GRIK1: variants seen among roughly 807,000 people sequenced by gnomAD.
GRIK1 encodes glutamate ionotropic receptor kainate type subunit 1, also known as glutamate receptor ionotropic, kainate 1.
A neutral mutation model predicts 105.7 loss-of-function variants in GRIK1; 69 were observed. The ratio of observed to expected loss-of-function variants is 0.65; its 90% CI spans 0.54 to 0.80. The LOEUF (loss-of-function observed/expected upper bound fraction) is 0.80. Ranked by LOEUF, GRIK1 falls within the 30% of genes least tolerant of loss-of-function variation. The probability of loss-of-function intolerance (pLI) is 0.00; values close to 1 mark genes in which losing one functional copy is unlikely to be tolerated. For missense variants in GRIK1, 1,109 were observed against 1,167.3 expected (o/e 0.95, Z 0.73); for synonymous variants, 438 against 431.3 (o/e 1.02, Z -0.19).
chr21:29,684,870 C>T (rs1169024560), intron 3 of GRIK1, among the ~76,000 whole-genome samples: 1 of 152,188 alleles, frequency 6.6e-6, no homozygotes, highest in Admixed American at 6.5e-5. Context: ...TATTTTCTAT[C>T]ATGTATCTGT....
chr21:29,654,313 A>G (rs2062801635), intron 5 of GRIK1, among the ~76,000 whole-genome samples: 1 of 152,140 alleles, frequency 6.6e-6, no homozygotes. Flanking sequence ...GATTTTTCTT[A>G]ATGAGGCAAA....
intron 1 of GRIK1, among the ~76,000 whole-genome samples, chr21:29,711,540 T>C (rs1032923126): frequency 1.3e-5 from 2 of 152,068 alleles, no homozygotes; most frequent in African/African-American, 4.8e-5. Flanking sequence ...GGAATCTGTT[T>C]GTCTTTTTGA....
At chr21:29,929,813 T>A in intron 1 of GRIK1, among the ~76,000 whole-genome samples, 1 of 152,202 alleles carries the variant, frequency 6.6e-6, no homozygotes, top group East Asian at 1.9e-4. Flanking sequence ...ATCACACTTC[T>A]AGGTATATAT....
intron 1 of GRIK1, among the ~76,000 whole-genome samples, chr21:29,860,815 G>A (rs2068612447): frequency 6.6e-6 from 1 of 152,124 alleles, no homozygotes; most frequent in African/African-American, 2.4e-5. Flanking sequence ...AGCCTCATGT[G>A]GCTTTTGAAC....
At chr21:29,844,658 C>A (rs1281278485) in intron 1 of GRIK1, among the ~76,000 whole-genome samples, 1 of 152,208 alleles carries the variant, frequency 6.6e-6, no homozygotes, top group South Asian at 2.1e-4. Context: ...TATTCCTGGA[C>A]TCCTCACTCC....
intron 1 of GRIK1, among the ~76,000 whole-genome samples, chr21:29,737,972 C>T (rs926433451): frequency 6.6e-6 from 1 of 152,192 alleles, no homozygotes; most frequent in Non-Finnish European, 1.5e-5. Flanking sequence ...TATTCTGCTC[C>T]TTGAAAAACT....
intron 1 of GRIK1, among the ~76,000 whole-genome samples, chr21:29,829,955 A>G (rs1469260528): frequency 6.6e-6 from 1 of 152,182 alleles, no homozygotes; most frequent in Non-Finnish European, 1.5e-5. Context: ...AAGAAAAAAA[A>G]AATGTGTTGC....
chr21:29,687,906 T>G (rs1243629373), intron 3 of GRIK1, among the ~76,000 whole-genome samples: 1 of 152,238 alleles, frequency 6.6e-6, no homozygotes, highest in African/African-American at 2.4e-5. Flanking sequence ...TGGTCCAGCT[T>G]TGCTGTAGAA....
chr21:29,907,460 T>A (rs1308669816), intron 1 of GRIK1, among the ~76,000 whole-genome samples: 1 of 152,142 alleles, frequency 6.6e-6, no homozygotes, highest in African/African-American at 2.4e-5. Context: ...CCCCGAATCA[T>A]AGTCTGACAG....
chr21:29,581,647 C>CAA, intron 12 of GRIK1, 104 bp from the exon 13 acceptor site: 1 of 666,544 alleles, frequency 1.5e-6, no homozygotes, highest in Non-Finnish European at 2.7e-6. Context: ...CAATTAATCA[C>CAA]AAAAGCTTCA....
intron 7 of GRIK1, among the ~76,000 whole-genome samples, chr21:29,603,490 T>A (rs956119562): frequency 2.6e-5 from 4 of 152,154 alleles, no homozygotes; most frequent in African/African-American, 9.7e-5. Flanking sequence ...CCGGCTGAGA[T>A]CCAGGTAATC....
intron 3 of GRIK1, among the ~76,000 whole-genome samples, chr21:29,680,302 T>C (rs1398879109): frequency 6.6e-6 from 1 of 152,206 alleles, no homozygotes. Flanking sequence ...GACATGATCA[T>C]ATATAATAAA....
rs147031482 is a variant in GRIK1 at position 29,770,189 on chromosome 21, T to A, written c.119-76126A>T. Among the ~76,000 whole-genome samples, 285 of 152,302 alleles carry A rather than the reference T, an allele frequency of 1.9e-3. 1 individual carries two copies. The highest frequency in any genetic ancestry group is 6.4e-3 in the African/African-American group (264 of 41,560). ...TGGCTAGACAACTCGCGTTTTAAAT[T>A]TATGGTCCAAGTATATATGAATACT... On this transcript the variant is annotated intron_variant, in intron 1 of 17. Transcript: ENST00000327783.
intron 1 of GRIK1, among the ~76,000 whole-genome samples, chr21:29,754,537 C>T (rs867304057): frequency 6.6e-6 from 1 of 152,072 alleles, no homozygotes; most frequent in Non-Finnish European, 1.5e-5. Flanking sequence ...TAATCCTCGC[C>T]CTGGGATTTC....
At chr21:29,641,729 G>A (rs1036380258) in intron 7 of GRIK1, among the ~76,000 whole-genome samples, 2 of 152,158 alleles carry the variant, frequency 1.3e-5, no homozygotes, top group Non-Finnish European at 2.9e-5. Flanking sequence ...TCCTGGGCTT[G>A]CAAGCAACCT....
intron 1 of GRIK1, among the ~76,000 whole-genome samples, chr21:29,771,430 G>A (rs2065809224): frequency 6.6e-6 from 1 of 152,194 alleles, no homozygotes; most frequent in Admixed American, 6.5e-5. Flanking sequence ...ATTTTCATTT[G>A]ATGATAATTG....
chr21:29,695,480 A>ATC lies in GRIK1; in HGVS notation c.119-1418_119-1417insGA, dbSNP rs1568985493. 2.5e-3 allele frequency among the ~76,000 whole-genome samples: 351 copies of ATC among 139,762 alleles called. 3 individuals are homozygous for ATC. Among genetic ancestry groups the ATC allele is most frequent in the African/African-American group, 8.9e-3 (324 of 36,370 alleles). 91.7% of individuals were successfully genotyped at this position (139,762 alleles called of 152,430 possible). On this transcript the variant is annotated intron_variant, in intron 1 of 17. Coordinates refer to ENST00000327783, the MANE Select transcript of GRIK1 (RefSeq NM_001330994.2). Reference sequence around the variant, plus strand: ...TCTATCTATCTATCTATCTATCTATATATATATATTTTGAGATGGAGTCTT... The same window carrying ATC: ...TCTATCTATCTATCTATCTATCTATATCTATATATATTTTGAGATGGAGTCTT...
intron 4 of GRIK1, among the ~76,000 whole-genome samples, chr21:29,666,352 G>A (rs901464124): frequency 3.9e-5 from 6 of 152,106 alleles, no homozygotes; most frequent in Non-Finnish European, 5.9e-5. Context: ...GCAGTGAGCC[G>A]AGATCATGCC....
At chr21:29,917,661 T>C (rs982845005) in intron 1 of GRIK1, among the ~76,000 whole-genome samples, 1 of 151,982 alleles carries the variant, frequency 6.6e-6, no homozygotes, top group Non-Finnish European at 1.5e-5. Context: ...TCTAAGCATT[T>C]TTTTCTAACT....
Sources: gnomAD v4.1 joint callset for allele counts (sites outside exome capture counted in the v4.1 genomes callset) on GRCh38, gnomAD v4.1.1 for gene constraint, MANE v1.5 for transcripts, NCBI Gene and HGNC (gene_info 2026-07-23, HGNC 2026-07-21) for gene names.